The following SPG7 variants were observed in gnomAD, a reference collection of about 807,000 sequenced individuals.
SPG7 encodes the protein SPG7 matrix AAA peptidase subunit, paraplegin.
SPG7 carries 103 observed loss-of-function variants against 81.9 expected under a neutral mutation model. The ratio of observed to expected loss-of-function variants is 1.26; its 90% CI spans 1.07 to 1.48. The LOEUF is 1.48. SPG7 is among the 40% of genes most tolerant of loss of function. The pLI is 0.00. For missense variants in SPG7, 1,241 were observed against 1,087.3 expected (o/e 1.14, Z -1.99); for synonymous variants, 534 against 444.2 (o/e 1.20, Z -2.54).
chr16:89,519,336 T>G (rs2058151926), intron 3 of SPG7: 1 of 151,960 alleles, frequency 6.6e-6, no homozygotes, highest in Non-Finnish European at 1.5e-5. Flanking sequence ...ACTTCACGGT[T>G]GCTAACTAGA....
intron 3 of SPG7, 150 bp from the exon 4 acceptor site, chr16:89,523,856 C>T (rs1184082382): frequency 6.0e-6 from 6 of 1,003,278 alleles, no homozygotes; most frequent in Admixed American, 4.0e-5. Flanking sequence ...TCTCTGATAA[C>T]GTCAGGGAAG....
Position 89,526,454 on chromosome 16 carries a change from A to G in SPG7, c.744A>G (p.Thr248=), listed in dbSNP as rs200603189. Reference sequence around the variant, plus strand: ...GGATCCCAGTTTCCTACAAGCGAACAGGATTCTTTGGAAAGTATGTTGGAT... The same window carrying G: ...GGATCCCAGTTTCCTACAAGCGAACGGGATTCTTTGGAAAGTATGTTGGAT... ...KDRIPVSYKR[T]GFFGNALYSV... is the part of the protein sequence containing the mutation. The change falls in exon 5 of 17, where the codon ACA becomes ACG. Residue 248 remains threonine, a synonymous_variant. Transcript: ENST00000645818. 3.5e-5 allele frequency: 57 copies of G among 1,614,222 alleles called. No individual in the cohort carries two copies. Among genetic ancestry groups the G allele is most frequent in the Non-Finnish European group, 4.7e-5 (56 of 1,180,034 alleles).
rs1597601043 is a variant in SPG7 at position 89,510,575 on chromosome 16, G to A, written c.269G>A (p.Arg90Lys). The A allele has an allele frequency of 6.2e-7, 1 of 1,610,034 alleles. No individual in the cohort carries two copies. Among genetic ancestry groups the A allele is most frequent in the Non-Finnish European group, 8.5e-7 (1 of 1,176,888 alleles). ...LKQHLVQNPVRLWQLLGGTFY... is the reference protein window; with the variant it reads ...LKQHLVQNPVKLWQLLGGTFY... Reference sequence around the variant, plus strand: ...CAACATTTAGTTCAGAATCCAGTCAGACTCTGGCAACTTTTAGGTATGTAT... The same window carrying A: ...CAACATTTAGTTCAGAATCCAGTCAAACTCTGGCAACTTTTAGGTATGTAT... The change falls in exon 2 of 17, where the codon AGA (arginine) becomes AAA (lysine). Residue 90 changes from arginine (R) to lysine (K), a missense_variant. Physicochemically the swap from Arg to Lys is conservative, Grantham distance 26. Coordinates refer to ENST00000645818, the MANE Select transcript of SPG7 (RefSeq NM_003119.4).
Position 89,547,057 on chromosome 16 carries a change from G to A in SPG7, c.1552+297G>A, listed in dbSNP as rs115716130. The stretch of plus-strand genomic sequence containing the variant: ...CCACACAGTGACCAGTCATGCCGGC[G>A]TTTCCCGTCAGACCCAGAGTCAGAC... On this transcript the variant is annotated intron_variant, in intron 11 of 16. Transcript: ENST00000645818. 2.0e-3 allele frequency: 788 copies of A among 395,980 alleles called. 3 individuals are homozygous for A. Among genetic ancestry groups the A allele is most frequent in the African/African-American group, 0.015 (727 of 48,716 alleles). 24.5% of individuals were successfully genotyped at this position (395,980 alleles called of 1,614,324 possible).
At chr16:89,552,498 G>A (rs1030963857) in intron 13 of SPG7, 7 of 199,062 alleles carry the variant, frequency 3.5e-5, no homozygotes, top group African/African-American at 7.0e-5. Context: ...CAGCGGTTCC[G>A]TGTTGTCGAG....
intron 3 of SPG7, among the ~76,000 whole-genome samples, chr16:89,516,618 T>G (rs1330994267): frequency 6.6e-6 from 1 of 151,014 alleles, no homozygotes; most frequent in Non-Finnish European, 1.5e-5. Context: ...CCCAGCACTT[T>G]GGGAGGCCAA....
Position 89,554,474 on chromosome 16 carries a change from C to T in SPG7, c.2104-12C>T, listed in dbSNP as rs200254883. 4.4e-6 allele frequency: 7 copies of T among 1,600,878 alleles called. No homozygotes were observed. In the East Asian group the frequency reaches 8.9e-5, roughly 20 times the overall value. ...CCAGCCTTGCCCCTGACACAGTTCC[C>T]TCCACTCACAGGAAGCAAGACTGCT... On this transcript the variant is annotated splice_polypyrimidine_tract_variant and intron_variant, in intron 15 of 16. Transcript: ENST00000645818.
intron 1 of SPG7, among the ~76,000 whole-genome samples, chr16:89,509,542 G>A (rs949248060): frequency 6.6e-6 from 1 of 152,008 alleles, no homozygotes; most frequent in Non-Finnish European, 1.5e-5. Context: ...GAGCCACCGC[G>A]CCCGGCCATA....
intron 12 of SPG7, chr16:89,548,345 C>G (rs939264132): frequency 2.0e-6 from 1 of 507,052 alleles, no homozygotes; most frequent in African/African-American, 2.0e-5. Context: ...ATAAAAAATG[C>G]CTTGCCAAAG....
At chr16:89,510,134 C>T (rs2057994270) in intron 1 of SPG7, among the ~76,000 whole-genome samples, 1 of 151,906 alleles carries the variant, frequency 6.6e-6, no homozygotes, top group Admixed American at 6.6e-5. Context: ...ACCACCACGC[C>T]CGGCTAATTT....
chr16:89,515,225 C>G (rs191196442), intron 3 of SPG7, among the ~76,000 whole-genome samples: 1 of 149,642 alleles, frequency 6.7e-6, no homozygotes. Context: ...AGTGGGCCAC[C>G]GCACCCAGCC....
At chr16:89,553,657 C>T in intron 14 of SPG7, 137 bp from the exon 15 acceptor site, 1 of 788,974 alleles carries the variant, frequency 1.3e-6, no homozygotes, top group Non-Finnish European at 2.1e-6. Context: ...TCCTCACTGT[C>T]CAGCTTCACG....
intron 9 of SPG7, chr16:89,541,461 C>A: frequency 2.2e-6 from 1 of 456,130 alleles, no homozygotes; most frequent in Non-Finnish European, 2.9e-6. Context: ...GGGAGGTCTC[C>A]AGGGAGGAGG....
At position 89,557,056 on chromosome 16, in the gene SPG7, C is replaced by T; in HGVS notation, c.2351C>T (p.Pro784Leu). 5.0e-6 allele frequency: 8 copies of T among 1,612,384 alleles called. No homozygotes were observed. The highest frequency in any genetic ancestry group is 5.9e-6 in the Non-Finnish European group (7 of 1,180,004). Residue 784 changes from proline (P) to leucine (L), a missense_variant, in exon 17 of 17, where the codon CCT becomes CTT. Coordinates refer to ENST00000645818, the MANE Select transcript of SPG7 (RefSeq NM_003119.4). Reference sequence around the variant, plus strand: ...GAGGAGACCGAAGAGACCCAGCAGCCTCCACTTGGAGGCGAAGAGCCGACT... The same window carrying T: ...GAGGAGACCGAAGAGACCCAGCAGCTTCCACTTGGAGGCGAAGAGCCGACT... Reference protein sequence around the residue: ...GEEETEETQQPPLGGEEPTWP... With the variant: ...GEEETEETQQLPLGGEEPTWP...
intron 16 of SPG7, 99 bp from the exon 17 acceptor site, chr16:89,556,788 C>A: frequency 1.0e-6 from 1 of 954,574 alleles, no homozygotes; most frequent in Non-Finnish European, 1.7e-6. Flanking sequence ...GGGTGTCCTG[C>A]ACACAGACAG....
chr16:89,530,977 C>T, intron 7 of SPG7, 169 bp downstream of exon 7: 1 of 858,450 alleles, frequency 1.2e-6, no homozygotes. Context: ...CCTGTTCAAC[C>T]AGCAGCACAA....
chr16:89,529,813 G>C lies in SPG7; in HGVS notation c.861+234G>C, dbSNP rs2058316251. ...ACTCTGGGGTGCCTGAGCCTTGTGAGATTACAGGGCAGTTGAATCTGCGTT... is the reference window on the plus strand; with the variant it reads ...ACTCTGGGGTGCCTGAGCCTTGTGACATTACAGGGCAGTTGAATCTGCGTT... On this transcript the variant is annotated intron_variant, in intron 6 of 16. Coordinates refer to ENST00000645818, the MANE Select transcript of SPG7 (RefSeq NM_003119.4). 5.1e-6 allele frequency: 3 copies of C among 584,128 alleles called. No individual in the cohort carries two copies. In the East Asian group the frequency reaches 8.8e-5, roughly 17 times the overall value. The allele number at this position is 584,128 out of a possible 1,614,324, so 36.2% of individuals were successfully genotyped here. A position where few individuals can be genotyped will look rare whatever the true frequency, so the allele number is the denominator to read the frequency against.
In SPG7 at chr16:89,529,679, T is replaced by C; in HGVS notation, c.861+100T>C. ...CGATGAATACACAGGGAAAACCTGT[T>C]GCAGAGAGTAGCCTGAAGCCACAAT... On this transcript the variant is annotated intron_variant, in intron 6 of 16. Transcript: ENST00000645818. The C allele has an allele frequency of 4.5e-6, 4 of 892,244 alleles. No individual in the cohort carries two copies. The South Asian group carries it at 5.7e-5, about 13-fold the overall frequency. 55.3% of individuals were successfully genotyped at this position (892,244 alleles called of 1,614,324 possible). A position where few individuals can be genotyped will look rare whatever the true frequency, so the allele number is the denominator to read the frequency against.
chr16:89,512,841 A>G, intron 2 of SPG7, 107 bp from the exon 3 acceptor site: 3 of 1,204,034 alleles, frequency 2.5e-6, no homozygotes, highest in Middle Eastern at 2.2e-4. Context: ...TAGGTTTTTC[A>G]GATGGTTTTT....
Sources: allele counts gnomAD v4.1 joint callset (sites outside exome capture counted in the v4.1 genomes callset), GRCh38; gene constraint gnomAD v4.1.1; transcripts MANE v1.5; gene names NCBI Gene and HGNC (gene_info 2026-07-23, HGNC 2026-07-21).